The following GREB1L variants were observed in gnomAD, a reference collection of about 807,000 sequenced individuals.
GREB1L encodes GREB1 like retinoic acid receptor coactivator.
Under a neutral mutation model 200.8 loss-of-function variants are expected in GREB1L, and 17 were observed. That is an observed-to-expected ratio of 0.08 (90% CI 0.06 to 0.13). GREB1L has a LOEUF of 0.13. Ranked by LOEUF, GREB1L falls within the 10% of genes least tolerant of loss-of-function variation. The pLI is 1.00. For missense variants in GREB1L, 1,657 were observed against 2,367.7 expected, an observed-to-expected ratio of 0.70 and a Z score of 6.23; for synonymous variants, 789 against 893.0, an observed-to-expected ratio of 0.88 and a Z score of 2.08.
At chr18:21,488,392 T>C (rs2036207029) in intron 18 of GREB1L, among the ~76,000 whole-genome samples, 1 of 152,224 alleles carries the variant, frequency 6.6e-6, no homozygotes, top group African/African-American at 2.4e-5. Flanking sequence ...TGTTATTCAT[T>C]TGATAGCTGT....
At chr18:21,364,230 T>C (rs1314909493) in intron 1 of GREB1L, among the ~76,000 whole-genome samples, 2 of 152,152 alleles carry the variant, frequency 1.3e-5, no homozygotes, top group Non-Finnish European at 2.9e-5. Context: ...TTTGGGAGGC[T>C]GGGGACAGAT....
At chr18:21,428,689 T>C (rs1249051596) in intron 7 of GREB1L, among the ~76,000 whole-genome samples, 1 of 143,510 alleles carries the variant, frequency 7.0e-6, no homozygotes, top group Non-Finnish European at 1.5e-5. Context: ...TGGAGTGCAA[T>C]GGCATGATCG....
chr18:21,447,950 G>A (rs971057227), intron 11 of GREB1L, among the ~76,000 whole-genome samples: 6 of 152,128 alleles, frequency 3.9e-5, no homozygotes, highest in Admixed American at 3.9e-4. Flanking sequence ...GATACTTGAG[G>A]TCAGGAGTTT....
intron 1 of GREB1L, among the ~76,000 whole-genome samples, chr18:21,304,424 A>G (rs909647658): frequency 1.3e-5 from 2 of 152,080 alleles, no homozygotes; most frequent in African/African-American, 4.8e-5. Context: ...GCACTTCACT[A>G]TGTGAGGCAC....
chr18:21,513,744 A>G, intron 27 of GREB1L, 77 bp from the exon 28 acceptor site: 1 of 1,352,280 alleles, frequency 7.4e-7, no homozygotes, highest in East Asian at 2.5e-5. Flanking sequence ...TGGAGAGAAT[A>G]TAGCTGCCTG....
intron 23 of GREB1L, among the ~76,000 whole-genome samples, chr18:21,504,314 T>C (rs1479975567): frequency 6.6e-6 from 1 of 152,156 alleles, no homozygotes; most frequent in Non-Finnish European, 1.5e-5. Context: ...GGTGGGAAGA[T>C]GGCTTGAGGC....
chr18:21,510,228 AAAG>A (rs1285244322), intron 27 of GREB1L, among the ~76,000 whole-genome samples: 5 of 152,132 alleles, frequency 3.3e-5, no homozygotes, highest in Non-Finnish European at 7.4e-5. Flanking sequence ...AAAAAAAAAA[AAAG>A]TACTGCTTTA....
At chr18:21,418,374 C>T (rs2031844346) in intron 7 of GREB1L, among the ~76,000 whole-genome samples, 1 of 152,182 alleles carries the variant, frequency 6.6e-6, no homozygotes, top group South Asian at 2.1e-4. Flanking sequence ...CACATCCTCC[C>T]ATATACTTTA....
intron 1 of GREB1L, among the ~76,000 whole-genome samples, chr18:21,267,813 T>A (rs1162621112): frequency 3.4e-4 from 51 of 152,010 alleles, no homozygotes; most frequent in Non-Finnish European, 3.2e-4. Flanking sequence ...GCTTTTTTTT[T>A]TTTTTTGCCC....
chr18:21,366,507 A>G (rs1006081541), intron 2 of GREB1L, among the ~76,000 whole-genome samples: 1 of 152,108 alleles, frequency 6.6e-6, no homozygotes, highest in African/African-American at 2.4e-5. Context: ...TTGACTGCAT[A>G]TATTTGTCTC....
intron 15 of GREB1L, among the ~76,000 whole-genome samples, chr18:21,469,653 T>C (rs1434010942): frequency 6.6e-6 from 1 of 152,220 alleles, no homozygotes; most frequent in Non-Finnish European, 1.5e-5. Flanking sequence ...GGAAATGATA[T>C]GTATGTATAT....
At chr18:21,249,141 CTTT>C (rs200780006) in intron 1 of GREB1L, among the ~76,000 whole-genome samples, 4 of 146,994 alleles carry the variant, frequency 2.7e-5, no homozygotes, top group Non-Finnish European at 4.5e-5. Context: ...ATTGTAGAAT[CTTT>C]TTTTTTTTAT....
At position 21,485,870 on chromosome 18, in the gene GREB1L, G is replaced by A. The variant is rs2036108663; in HGVS notation, c.2690+117G>A. ...GTTTGATGGAGCCCTTGCAGATGAC[G>A]TGCAAAGGCCAAATTAAAACAGCCT... On this transcript the variant is annotated intron_variant, in intron 18 of 32. Coordinates refer to ENST00000424526, the MANE Select transcript of GREB1L (RefSeq NM_001142966.3). 65 of 908,064 alleles carry A rather than the reference G, an allele frequency of 7.2e-5. 3 individuals carry two copies. The South Asian group carries it at 8.6e-4, about 12-fold the overall frequency. The allele number at this position is 908,064 out of a possible 1,614,324, so 56.3% of individuals were successfully genotyped here.
intron 1 of GREB1L, among the ~76,000 whole-genome samples, chr18:21,363,051 C>A (rs138667324): frequency 2.8e-4 from 43 of 152,276 alleles, no homozygotes; most frequent in African/African-American, 1.0e-3. Context: ...GACATTGTCA[C>A]AGGTTGCTTT....
chr18:21,514,829 T>C (rs1568077466), intron 28 of GREB1L, among the ~76,000 whole-genome samples: 1 of 152,196 alleles, frequency 6.6e-6, no homozygotes, highest in Non-Finnish European at 1.5e-5. Flanking sequence ...TGGGCCAAAA[T>C]CAGTGGTTCT....
At chr18:21,376,112 C>T (rs1316859414) in intron 2 of GREB1L, among the ~76,000 whole-genome samples, 1 of 151,922 alleles carries the variant, frequency 6.6e-6, no homozygotes, top group East Asian at 1.9e-4. Context: ...TCTCTCTCTG[C>T]TGTATACTTT....
At chr18:21,257,200 C>G (rs2037814162) in intron 1 of GREB1L, among the ~76,000 whole-genome samples, 1 of 151,996 alleles carries the variant, frequency 6.6e-6, no homozygotes, top group South Asian at 2.1e-4. Flanking sequence ...TCTCAACTGA[C>G]CTGGTGATCC....
At chr18:21,401,540 T>C (rs1212395923) in intron 6 of GREB1L, among the ~76,000 whole-genome samples, 1 of 152,198 alleles carries the variant, frequency 6.6e-6, no homozygotes, top group Non-Finnish European at 1.5e-5. Context: ...AATGTCTCTG[T>C]ATTCGTCTCT....
At chr18:21,479,722 G>A (rs2035847363) in intron 17 of GREB1L, among the ~76,000 whole-genome samples, 1 of 151,956 alleles carries the variant, frequency 6.6e-6, no homozygotes, top group South Asian at 2.1e-4. Flanking sequence ...TAATTTTTAA[G>A]GTTTAATAAT....
Sources: allele counts gnomAD v4.1 joint callset (sites outside exome capture counted in the v4.1 genomes callset), GRCh38; gene constraint gnomAD v4.1.1; transcripts MANE v1.5; gene names NCBI Gene and HGNC (gene_info 2026-07-23, HGNC 2026-07-21).